MAP1B: variants seen among roughly 807,000 people sequenced by gnomAD.
MAP1B encodes the protein microtubule associated protein 1B, also known as microtubule-associated protein 1B.
A neutral mutation model predicts 176.1 loss-of-function variants in MAP1B; 12 were observed. The observed-to-expected ratio is 0.07, with a 90% CI of 0.04 to 0.11. MAP1B has a LOEUF of 0.11. MAP1B is among the 10% of genes least tolerant of loss of function. The pLI, the probability that MAP1B is intolerant of heterozygous loss-of-function variation, is 1.00. For missense variants in MAP1B, 2,523 were observed against 2,990.5 expected (o/e 0.84, Z 3.65); for synonymous variants, 1,044 against 1,135.0 (o/e 0.92, Z 1.61).
chr5:72,169,534 T>A (rs3112399), intron 2 of MAP1B: 65,231 of 153,972 alleles, frequency 0.42, 14,107 homozygotes, highest in African/African-American at 0.49. Context: ...TGATGTTAAA[T>A]CCCATTCAGA....
rs1035364925 is a variant in MAP1B, at chr5:72,205,937, G to A, written c.*698G>A. ...CATCTTAATTAAGCTCCTTCAGTTT[G>A]AAGGCTGCACACTGACATAATGTAG... On this transcript the variant is annotated 3_prime_UTR_variant, in exon 7 of 7. Coordinates refer to ENST00000296755, the MANE Select transcript of MAP1B (RefSeq NM_005909.5). The A allele has an allele frequency of 2.6e-5, 4 of 152,634 alleles. No homozygotes were observed. The highest frequency in any genetic ancestry group is 9.6e-5 in the African/African-American group (4 of 41,452). 9.5% of individuals were successfully genotyped at this position (152,634 alleles called of 1,614,324 possible).
chr5:72,116,989 T>C (rs1745447504), intron 2 of MAP1B, among the ~76,000 whole-genome samples: 1 of 152,082 alleles, frequency 6.6e-6, no homozygotes, highest in African/African-American at 2.4e-5. Flanking sequence ...TTGAGTTTAA[T>C]ATTAGAATAA....
intron 2 of MAP1B, among the ~76,000 whole-genome samples, chr5:72,128,228 G>A (rs1304293311): frequency 1.3e-5 from 2 of 152,092 alleles, no homozygotes; most frequent in Non-Finnish European, 2.9e-5. Context: ...TAATTATACT[G>A]TAAACATGAG....
intron 2 of MAP1B, among the ~76,000 whole-genome samples, chr5:72,117,445 C>T (rs951130274): frequency 1.9e-4 from 29 of 152,294 alleles, no homozygotes; most frequent in African/African-American, 6.5e-4. Flanking sequence ...ATGTGGTTCT[C>T]ATTGTGTTCA....
rs769548506 is a variant in MAP1B at position 72,199,601 on chromosome 5, A to G, written c.6246A>G (p.Leu2082=). Residue 2082 remains leucine (L), a synonymous_variant, in exon 5 of 7, where the codon TTA becomes TTG. Coordinates refer to ENST00000296755, the MANE Select transcript of MAP1B (RefSeq NM_005909.5). The surrounding 1 kb of genome is among the most constrained non-coding windows in gnomAD (Gnocchi z 4.2). ...SPSEARQDVD[L]CLVSSCEYKH... is the part of the protein sequence containing the mutation. ...CAGAAGCCCGTCAGGATGTCGATTT[A>G]TGCCTCGTGTCCTCTTGTGAATACA... The G allele has an allele frequency of 1.5e-5, 24 of 1,614,068 alleles. No homozygotes were observed. Among genetic ancestry groups the G allele is most frequent in the Non-Finnish European group, 2.0e-5 (24 of 1,180,046 alleles).
chr5:72,173,581 T>C (rs1746586223), intron 2 of MAP1B, among the ~76,000 whole-genome samples: 1 of 152,210 alleles, frequency 6.6e-6, no homozygotes, highest in African/African-American at 2.4e-5. Flanking sequence ...ATAGCTGATA[T>C]CGGTAATCTT....
chr5:72,147,222 G>C (rs1579994792), intron 2 of MAP1B, among the ~76,000 whole-genome samples: 1 of 152,110 alleles, frequency 6.6e-6, no homozygotes, highest in East Asian at 1.9e-4. Flanking sequence ...ACTCACCTCG[G>C]CCTCCCAAAG....
At position 72,199,145 on chromosome 5, in the gene MAP1B, C is replaced by T. The variant is rs3828617; in HGVS notation, c.5790C>T (p.Thr1930=). The T allele has an allele frequency of 1.7e-4, 281 of 1,614,106 alleles. 2 individuals carry two copies. The East Asian group carries it at 6.1e-3, about 35-fold the overall frequency. The part of the protein sequence containing the change: ...GYSYETIGKT[T]KTPEDGDYSY... ...CCTATGAGACCATTGGGAAAACTACCAAGACCCCTGAAGATGGTGACTATT... is the reference window on the plus strand; with the variant it reads ...CCTATGAGACCATTGGGAAAACTACTAAGACCCCTGAAGATGGTGACTATT... Residue 1930 remains threonine, a synonymous_variant, in exon 5 of 7, where the codon ACC becomes ACT. Transcript: ENST00000296755. The surrounding 1 kb of genome is among the most constrained non-coding windows in gnomAD (Gnocchi z 4.2).
intron 2 of MAP1B, among the ~76,000 whole-genome samples, chr5:72,166,751 G>A (rs1330877851): frequency 6.6e-6 from 1 of 152,200 alleles, no homozygotes; most frequent in African/African-American, 2.4e-5. Context: ...GCAGTAGCTG[G>A]CTGGGTTCCA....
At position 72,199,591 on chromosome 5, in the gene MAP1B, A is replaced by T; in HGVS notation, c.6236A>T (p.Asp2079Val). 6.2e-7 allele frequency: 1 copy of T among 1,614,134 alleles called. No individual in the cohort carries two copies. The highest frequency in any genetic ancestry group is 8.5e-7 in the Non-Finnish European group (1 of 1,180,034). ...EKKSPSEARQ[D>V]VDLCLVSSCE... ...AAGTCCCCCTCAGAAGCCCGTCAGG[A>T]TGTCGATTTATGCCTCGTGTCCTCT... Residue 2079 changes from aspartate (D) to valine (V), a missense_variant, in exon 5 of 7, where the codon GAT (aspartate) becomes GTT (valine). By Grantham distance (152) the Asp-to-Val change is radical (BLOSUM62 -3). This residue lies in a region of MAP1B where 1,925 missense variants were observed against 2,126.0 expected (regional missense o/e 0.91). Coordinates refer to ENST00000296755, the MANE Select transcript of MAP1B (RefSeq NM_005909.5). This position sits in a 1 kb window ranked among gnomAD's most constrained non-coding sequence, Gnocchi z 4.2.
intron 2 of MAP1B, among the ~76,000 whole-genome samples, chr5:72,135,409 T>C (rs950179794): frequency 1.1e-4 from 16 of 151,848 alleles, no homozygotes; most frequent in Non-Finnish European, 2.2e-4. Context: ...TTTTCTTTTT[T>C]TCTCTCTCTC....
Position 72,198,384 on chromosome 5 carries a change from C to CT in MAP1B, c.5031dup (p.His1678SerfsTer4), listed in dbSNP as rs1747236836. 1 of 1,614,006 alleles carries CT rather than the reference C, an allele frequency of 6.2e-7. No homozygotes were observed. Among genetic ancestry groups the CT allele is most frequent in the Non-Finnish European group, 8.5e-7 (1 of 1,180,004 alleles). ...TCACCCTACAGTGGGTGCAGGCGTG[C>CT]TTCACATCACTGAAAATGGGCCAAC... On this transcript the variant is annotated frameshift_variant, in exon 5 of 7. Transcript: ENST00000296755. LOFTEE classifies it high-confidence loss of function.
chr5:72,153,552 G>A (rs1452217633), intron 2 of MAP1B, among the ~76,000 whole-genome samples: 1 of 151,964 alleles, frequency 6.6e-6, no homozygotes, highest in Non-Finnish European at 1.5e-5. Flanking sequence ...GTAATGACAA[G>A]TTGGAATTGA....
In MAP1B at chr5:72,197,630, C is replaced by T. The variant is rs775004641; in HGVS notation, c.4275C>T (p.Ala1425=). 32 of 1,613,970 alleles carry T rather than the reference C, an allele frequency of 2.0e-5. No individual in the cohort carries two copies. Among genetic ancestry groups the T allele is most frequent in the Middle Eastern group, 1.6e-4 (1 of 6,084 alleles). Residue 1425 remains alanine, a synonymous_variant, in exon 5 of 7, where the codon GCC becomes GCT. Transcript: ENST00000296755. ...SADDKASGRG[A]ESPFEEKSGK... is the part of the protein sequence containing the mutation. ...ATGACAAGGCTTCTGGCAGAGGTGC[C>T]GAAAGTCCTTTTGAAGAAAAGAGTG...
chr5:72,184,535 A>G (rs775308147), intron 3 of MAP1B, among the ~76,000 whole-genome samples: 6 of 152,202 alleles, frequency 3.9e-5, no homozygotes, highest in Non-Finnish European at 8.8e-5. Context: ...TGTGATTGTT[A>G]TTATTACCAC....
At chr5:72,114,398 A>T (rs188630060) in intron 1 of MAP1B, among the ~76,000 whole-genome samples, 62 of 152,362 alleles carry the variant, frequency 4.1e-4, no homozygotes, top group Admixed American at 4.0e-3. Flanking sequence ...AAAAATGATT[A>T]CATGACTGGG....
intron 1 of MAP1B, among the ~76,000 whole-genome samples, chr5:72,115,063 G>T (rs910716818): frequency 6.6e-6 from 1 of 152,190 alleles, no homozygotes; most frequent in Non-Finnish European, 1.5e-5. Flanking sequence ...AAAGTGCCTG[G>T]AAGGACAGAC....
intron 2 of MAP1B, among the ~76,000 whole-genome samples, chr5:72,151,884 T>A (rs1041305098): frequency 1.3e-5 from 2 of 152,252 alleles, no homozygotes; most frequent in African/African-American, 4.8e-5. Context: ...CTAAACACAT[T>A]TTTATTTTTA....
chr5:72,146,887 G>T (rs1416033486), intron 2 of MAP1B, among the ~76,000 whole-genome samples: 1 of 152,028 alleles, frequency 6.6e-6, no homozygotes, highest in Non-Finnish European at 1.5e-5. Flanking sequence ...TTCAAAAGCA[G>T]CACCTCCTTG....
Sources: allele counts gnomAD v4.1 joint callset (sites outside exome capture counted in the v4.1 genomes callset), GRCh38; gene constraint gnomAD v4.1.1; regional missense constraint gnomAD v4.1.1; non-coding constraint Gnocchi (gnomAD v3.1); transcripts MANE v1.5; gene names NCBI Gene and HGNC (gene_info 2026-07-23, HGNC 2026-07-21).